The following AFF2 variants were observed in gnomAD, a reference collection of about 807,000 sequenced individuals.
AFF2 encodes AF4/FMR2 family member 2.
Under a neutral mutation model 76.9 loss-of-function variants are expected in AFF2, and 14 were observed. The ratio of observed to expected loss-of-function variants is 0.18; its 90% confidence interval spans 0.12 to 0.28. The LOEUF is 0.28. Ranked by LOEUF, AFF2 falls within the 10% of genes least tolerant of loss-of-function variation. AFF2 has a pLI of 1.00. For missense variants in AFF2, 868 were observed against 1,001.1 expected (o/e 0.87, Z 1.79); for synonymous variants, 398 against 366.7 (o/e 1.09, Z -0.98).
At chrX:148,945,140 G>A (rs782015337) in intron 9 of AFF2, among the ~76,000 whole-genome samples, 1 of 111,396 alleles carries the variant, frequency 9.0e-6, no homozygotes, top group Non-Finnish European at 1.9e-5. Context: ...GCAGTGGCAA[G>A]CCACCTTTGA....
intron 3 of AFF2, among the ~76,000 whole-genome samples, chrX:148,742,493 C>T (rs1557265760): frequency 9.0e-6 from 1 of 111,586 alleles, no homozygotes; most frequent in African/African-American, 3.3e-5. Context: ...ATAAAAAGCT[C>T]TAAAATAAAT....
chrX:148,766,871 G>C (rs1195481369), intron 3 of AFF2, among the ~76,000 whole-genome samples: 1 of 111,880 alleles, frequency 8.9e-6, no homozygotes, highest in African/African-American at 3.2e-5. Context: ...ACTCAGAAGT[G>C]CCAAAAGAAA....
intron 9 of AFF2, among the ~76,000 whole-genome samples, chrX:148,914,066 A>G (rs1192884115): frequency 9.0e-6 from 1 of 111,336 alleles, no homozygotes; most frequent in Non-Finnish European, 1.9e-5. Context: ...TACACTACAG[A>G]ATAGGTCGTT....
chrX:148,809,408 T>G (rs986216751), intron 3 of AFF2, among the ~76,000 whole-genome samples: 1 of 112,394 alleles, frequency 8.9e-6, no homozygotes, highest in Non-Finnish European at 1.9e-5. Context: ...AAGGCAAGCA[T>G]GCAATTTACA....
chrX:148,875,717 A>G (rs782782389), intron 7 of AFF2, among the ~76,000 whole-genome samples: 13 of 111,395 alleles, frequency 1.2e-4, no homozygotes, highest in Non-Finnish European at 2.1e-4. Flanking sequence ...TTAGCTGTTA[A>G]AGAGTTTGGG....
chrX:148,888,755 C>A (rs1392983654), intron 8 of AFF2, among the ~76,000 whole-genome samples: 1 of 111,645 alleles, frequency 9.0e-6, no homozygotes, highest in Non-Finnish European at 1.9e-5. Flanking sequence ...TGTGGTGTCT[C>A]ATTTGAACCT....
chrX:148,762,032 ACT>A (rs2069452932), intron 3 of AFF2, among the ~76,000 whole-genome samples: 1 of 108,838 alleles, frequency 9.2e-6, no homozygotes, highest in Non-Finnish European at 1.9e-5. Context: ...TTTTAGGAGA[ACT>A]GTTGATTATT....
rs895781451 is a variant in AFF2, at chrX:148,993,409, T to C, written c.*2077T>C. The C allele has an allele frequency of 2.7e-5, 3 of 112,294 alleles. No individual in the cohort carries two copies. Among genetic ancestry groups the C allele is most frequent in the Non-Finnish European group, 5.6e-5 (3 of 53,313 alleles). The allele number at this position is 112,294 out of a possible 1,213,427, so 9.3% of individuals were successfully genotyped here. ...ATTAAGCTGATGACTTTGCAGTGAC[T>C]CAAGTTGTCTCTTTATCATGGTTTA... On this transcript the variant is annotated 3_prime_UTR_variant, in exon 21 of 21. Transcript: ENST00000370460.
In AFF2 at chrX:148,543,584, C is replaced by T. The variant is rs782603559; in HGVS notation, c.47+42440C>T. Among the ~76,000 whole-genome samples the T allele has an allele frequency of 3.5e-4, 39 of 111,715 alleles. No individual in the cohort carries two copies. The East Asian group carries it at 7.3e-3, about 21-fold the overall frequency. ...TAGTTTGTGTGATTTCAAAGCCTTC[C>T]GCATGACAGCATGCTGTAGTAGAAA... On this transcript the variant is annotated intron_variant, in intron 1 of 20. Coordinates refer to ENST00000370460, the MANE Select transcript of AFF2 (RefSeq NM_002025.4).
intron 1 of AFF2, among the ~76,000 whole-genome samples, chrX:148,515,410 C>A (rs1289768896): frequency 1.8e-5 from 2 of 112,247 alleles, no homozygotes; most frequent in African/African-American, 6.5e-5. Context: ...TAAAGCCATA[C>A]TTGTTTCTAT....
At chrX:148,895,188 T>TG (rs782148091) in intron 8 of AFF2, among the ~76,000 whole-genome samples, 23 of 111,337 alleles carry the variant, frequency 2.1e-4, no homozygotes, top group South Asian at 3.8e-4. Context: ...AATTGCTTAC[T>TG]GGGGGGGCCA....
chrX:148,673,437 C>A (rs1275435967), intron 3 of AFF2, among the ~76,000 whole-genome samples: 1 of 111,721 alleles, frequency 9.0e-6, no homozygotes, highest in East Asian at 2.8e-4. Flanking sequence ...TCATGACAAT[C>A]TCTGCCTGCA....
At chrX:148,642,107 A>G (rs1557254790) in intron 1 of AFF2, among the ~76,000 whole-genome samples, 1 of 112,091 alleles carries the variant, frequency 8.9e-6, no homozygotes, top group African/African-American at 3.2e-5. Context: ...CACATGAGAA[A>G]GCAAGCCTAC....
At chrX:148,568,720 T>C (rs1318657574) in intron 1 of AFF2, among the ~76,000 whole-genome samples, 1 of 111,981 alleles carries the variant, frequency 8.9e-6, no homozygotes, top group African/African-American at 3.2e-5. Flanking sequence ...CGAATTTAGA[T>C]AGTATTTCTT....
At chrX:148,563,123 G>A (rs961671701) in intron 1 of AFF2, among the ~76,000 whole-genome samples, 2 of 111,348 alleles carry the variant, frequency 1.8e-5, no homozygotes, top group Admixed American at 9.6e-5. Flanking sequence ...AGGCCCTGAG[G>A]CAGGGACATG....
intron 2 of AFF2, among the ~76,000 whole-genome samples, chrX:148,658,068 A>G (rs1425189439): frequency 8.9e-6 from 1 of 111,856 alleles, no homozygotes; most frequent in African/African-American, 3.3e-5. Context: ...AGTGGTGGGA[A>G]GGTAGAGTGC....
At chrX:148,741,948 A>T (rs1411912638) in intron 3 of AFF2, among the ~76,000 whole-genome samples, 2 of 111,894 alleles carry the variant, frequency 1.8e-5, no homozygotes, top group Non-Finnish European at 3.8e-5. Context: ...TCAGGAGAGG[A>T]GGGTTTCCCT....
At chrX:148,983,846 A>G (rs782062327) in intron 19 of AFF2, among the ~76,000 whole-genome samples, 3 of 107,265 alleles carry the variant, frequency 2.8e-5, no homozygotes. Flanking sequence ...AGTAGATACT[A>G]AACAAAGAAT....
chrX:148,698,642 T>C (rs1240344587), intron 3 of AFF2, among the ~76,000 whole-genome samples: 1 of 112,160 alleles, frequency 8.9e-6, no homozygotes, highest in Non-Finnish European at 1.9e-5. Context: ...CATAAACAAA[T>C]GTTAAACTGC....
Sources: gnomAD v4.1 joint callset for allele counts (sites outside exome capture counted in the v4.1 genomes callset) on GRCh38, gnomAD v4.1.1 for gene constraint, MANE v1.5 for transcripts, NCBI Gene and HGNC (gene_info 2026-07-23, HGNC 2026-07-21) for gene names.